Variants in ATP2C1 observed in about 807,000 individuals in gnomAD.
ATP2C1 encodes the protein ATPase secretory pathway Ca2+ transporting 1.
Under a neutral mutation model 120.5 loss-of-function variants are expected in ATP2C1, and 31 were observed. That is an observed-to-expected ratio of 0.26 (90% CI 0.19 to 0.35). The LOEUF is 0.35. ATP2C1 is among the 10% of genes least tolerant of loss of function. The pLI is 1.00. For missense variants in ATP2C1, 731 were observed against 1,107.5 expected, an observed-to-expected ratio of 0.66 and a Z score of 4.83; for synonymous variants, 351 against 358.7, an observed-to-expected ratio of 0.98 and a Z score of 0.24.
chr3:131,014,393 C>A (rs1184925064), intron 26 of ATP2C1: 3 of 1,553,288 alleles, frequency 1.9e-6, no homozygotes, highest in Admixed American at 2.1e-5. Flanking sequence ...ACAGTCTGTT[C>A]AAAGCAAGAA....
At chr3:131,004,339 T>G (rs2063018845), downstream of ATP2C1, among the ~76,000 whole-genome samples, 1 of 152,228 alleles carries the variant, frequency 6.6e-6, no homozygotes, top group Non-Finnish European at 1.5e-5. Flanking sequence ...AGACAGATCA[T>G]TCTGATGGTT....
At chr3:130,985,057 C>G (rs2061937708) in intron 20 of ATP2C1, among the ~76,000 whole-genome samples, 1 of 152,194 alleles carries the variant, frequency 6.6e-6, no homozygotes, top group Non-Finnish European at 1.5e-5. Flanking sequence ...TCATTTTTAT[C>G]TTTCACAAAT....
At chr3:130,921,079 CTTTTTTTTTTT>C (rs1170193033) in intron 2 of ATP2C1, among the ~76,000 whole-genome samples, 1 of 128,562 alleles carries the variant, frequency 7.8e-6, no homozygotes, top group Non-Finnish European at 1.6e-5. Flanking sequence ...AGTTTTCTTT[CTTTTTTTTTTT>C]TTTTTTTTTG....
intron 20 of ATP2C1, among the ~76,000 whole-genome samples, chr3:130,988,083 T>C (rs1453743760): frequency 6.6e-6 from 1 of 152,224 alleles, no homozygotes; most frequent in Non-Finnish European, 1.5e-5. Flanking sequence ...CATATTATTA[T>C]CACAATTCAT....
At chr3:130,996,540 G>A (rs2062629728) in intron 23 of ATP2C1, 140 bp from the exon 24 acceptor site, 3 of 699,956 alleles carry the variant, frequency 4.3e-6, no homozygotes, top group Non-Finnish European at 7.7e-6. Context: ...AAATGTCCAC[G>A]TGACTGAAGA....
rs74859215 is a variant in ATP2C1 at position 130,920,969 on chromosome 3, A to G, written c.7-9447A>G. ...TTCCTAATGTCCTTTTCAGATAGTT[A>G]GTGTATGGAAACATTACTGATTTTT... On this transcript the variant is annotated intron_variant, in intron 2 of 27. Coordinates refer to ENST00000510168, the MANE Select transcript of ATP2C1 (RefSeq NM_001378687.1). Among the ~76,000 whole-genome samples, 698 of 151,848 alleles carry G rather than the reference A, an allele frequency of 4.6e-3. 4 individuals carry two copies. The highest frequency in any genetic ancestry group is 0.015 in the African/African-American group (633 of 41,362).
chr3:130,851,108 C>T (rs1344071542), intron 1 of ATP2C1, among the ~76,000 whole-genome samples: 1 of 152,158 alleles, frequency 6.6e-6, no homozygotes, highest in Non-Finnish European at 1.5e-5. Context: ...TTTATTTAAA[C>T]TTGGAACATT....
rs1249591540 is a variant in ATP2C1, at chr3:130,998,294, C to G, written c.2392C>G (p.Leu798Val). The part of the protein sequence containing the change: ...CGTLFVFWRE[L>V]RDNVITPRDT... Reference sequence around the variant, plus strand: ...TAATTTTGTTATTGCCTCTTGACAGCTACGAGACAATGTGATTACACCTCG... The same window carrying G: ...TAATTTTGTTATTGCCTCTTGACAGGTACGAGACAATGTGATTACACCTCG... The change falls in exon 26 of 28, where the codon CTA becomes GTA. Residue 798 changes from leucine to valine, a missense_variant and splice_region_variant. Around this residue, in one of 3 missense-constraint regions of ATP2C1, gnomAD observed 141 missense variants for 201.6 expected, o/e 0.70. Coordinates refer to ENST00000510168, the MANE Select transcript of ATP2C1 (RefSeq NM_001378687.1). 2 of 1,603,418 alleles carry G rather than the reference C, an allele frequency of 1.2e-6. No individual in the cohort carries two copies. The highest frequency in any genetic ancestry group is 1.7e-6 in the Non-Finnish European group (2 of 1,170,282).
chr3:130,894,010 G>A (rs1651090465), upstream of ATP2C1: 4 of 985,894 alleles, frequency 4.1e-6, no homozygotes, highest in African/African-American at 7.0e-5. The surrounding 1 kb of genome is among the most constrained non-coding windows in gnomAD (Gnocchi z 4.5). Flanking sequence ...GTTCGCGGCT[G>A]GCCCAGGAGT....
intron 8 of ATP2C1, among the ~76,000 whole-genome samples, chr3:130,952,689 A>G (rs927469574): frequency 6.6e-6 from 1 of 152,190 alleles, no homozygotes; most frequent in African/African-American, 2.4e-5. Context: ...TGTTGGGTGA[A>G]TGAATGAGCC....
At chr3:130,996,301 C>T (rs2062619622) in intron 23 of ATP2C1, 190 bp downstream of exon 23, 2 of 611,082 alleles carry the variant, frequency 3.3e-6, no homozygotes, top group Admixed American at 5.8e-5. Context: ...GTAAATGTAA[C>T]AGTTAGATGT....
intron 8 of ATP2C1, among the ~76,000 whole-genome samples, chr3:130,950,771 G>C (rs995533230): frequency 1.3e-5 from 2 of 151,940 alleles, no homozygotes; most frequent in South Asian, 2.1e-4. Context: ...TGTTCCACCA[G>C]ACAAGGGCTC....
intron 8 of ATP2C1, among the ~76,000 whole-genome samples, chr3:130,946,311 A>G (rs2060151765): frequency 6.6e-6 from 1 of 152,216 alleles, no homozygotes; most frequent in African/African-American, 2.4e-5. Context: ...CCATTTTTTA[A>G]TCTCATGAAT....
chr3:130,903,659 C>T (rs1429808072), intron 2 of ATP2C1, among the ~76,000 whole-genome samples: 2 of 150,968 alleles, frequency 1.3e-5, no homozygotes, highest in African/African-American at 2.4e-5. Context: ...TCCCCCCTTT[C>T]CTTTCCTTTT....
At chr3:130,973,904 A>G (rs1316074024) in intron 17 of ATP2C1, among the ~76,000 whole-genome samples, 3 of 152,200 alleles carry the variant, frequency 2.0e-5, no homozygotes, top group Non-Finnish European at 4.4e-5. Context: ...ACCCTTTCTT[A>G]GATATTGGTG....
chr3:130,887,079 C>T (rs1213830817), intron 1 of ATP2C1, among the ~76,000 whole-genome samples: 3 of 152,182 alleles, frequency 2.0e-5, no homozygotes, highest in Non-Finnish European at 2.9e-5. Flanking sequence ...TTCTTGTAGA[C>T]TTGTAGAGGT....
At chr3:130,897,188 G>A (rs2069703959) in intron 2 of ATP2C1, among the ~76,000 whole-genome samples, 1 of 152,186 alleles carries the variant, frequency 6.6e-6, no homozygotes, top group South Asian at 2.1e-4. Context: ...ATTGTTAGTT[G>A]AGGGATAAGT....
intron 26 of ATP2C1, chr3:131,015,334 T>C (rs1425774040): frequency 1.6e-6 from 1 of 644,252 alleles, no homozygotes; most frequent in South Asian, 1.8e-5. Context: ...CAAAACACAA[T>C]CTATCTCCTT....
chr3:130,954,836 G>A (rs897913430), intron 9 of ATP2C1, among the ~76,000 whole-genome samples, 176 bp from the exon 10 acceptor site: 1 of 152,048 alleles, frequency 6.6e-6, no homozygotes, highest in Non-Finnish European at 1.5e-5. Context: ...ATCATAAGGG[G>A]CAAATGCTAA....
Sources: allele counts gnomAD v4.1 joint callset (sites outside exome capture counted in the v4.1 genomes callset), GRCh38; gene constraint gnomAD v4.1.1; regional missense constraint gnomAD v4.1.1; non-coding constraint Gnocchi (gnomAD v3.1); transcripts MANE v1.5; gene names NCBI Gene and HGNC (gene_info 2026-07-23, HGNC 2026-07-21).